The following JARID2 variants were observed in gnomAD, a reference collection of about 807,000 sequenced individuals.
JARID2 encodes jumonji and AT-rich interaction domain containing 2.
JARID2 carries 21 observed loss-of-function variants against 125.6 expected under a neutral mutation model. That is an observed-to-expected ratio of 0.17 (90% CI 0.12 to 0.24). JARID2 has a LOEUF of 0.24. Among genes scored for constraint, JARID2 ranks in the 10% least tolerant of loss-of-function variants. The pLI, the probability that JARID2 is intolerant of heterozygous loss-of-function variation, is 1.00. For missense variants in JARID2, 1,303 were observed against 1,639.6 expected, an observed-to-expected ratio of 0.79 and a Z score of 3.55; for synonymous variants, 736 against 661.6, an observed-to-expected ratio of 1.11 and a Z score of -1.73.
intron 1 of JARID2, among the ~76,000 whole-genome samples, chr6:15,332,041 G>T (rs991091300): frequency 3.3e-5 from 5 of 152,116 alleles, no homozygotes; most frequent in Admixed American, 3.3e-4. Flanking sequence ...TGCAGGAACT[G>T]ATGCCCTCAG....
chr6:15,255,369 C>G (rs1428429017), intron 1 of JARID2, among the ~76,000 whole-genome samples: 1 of 152,124 alleles, frequency 6.6e-6, no homozygotes, highest in African/African-American at 2.4e-5. Flanking sequence ...TCCCAAAGTG[C>G]TGGGATTACA....
intron 2 of JARID2, among the ~76,000 whole-genome samples, chr6:15,377,356 C>T (rs1764394905): frequency 6.6e-6 from 1 of 152,144 alleles, no homozygotes; most frequent in Non-Finnish European, 1.5e-5. Flanking sequence ...AAGGCCAGCC[C>T]CCATGATTCA....
At chr6:15,309,099 T>G (rs1761930076) in intron 1 of JARID2, among the ~76,000 whole-genome samples, 1 of 152,168 alleles carries the variant, frequency 6.6e-6, no homozygotes, top group African/African-American at 2.4e-5. Context: ...TCTGGGAAAA[T>G]TCCATTCTCT....
chr6:15,433,848 A>C (rs573501661), intron 3 of JARID2, among the ~76,000 whole-genome samples: 14 of 151,746 alleles, frequency 9.2e-5, no homozygotes, highest in African/African-American at 2.9e-4. Flanking sequence ...ACAATAATGC[A>C]ATATCCATCA....
chr6:15,385,540 TTTA>T (rs1764752862), intron 2 of JARID2, among the ~76,000 whole-genome samples: 2 of 151,016 alleles, frequency 1.3e-5, no homozygotes, highest in Non-Finnish European at 1.5e-5. Context: ...TTTATAGATA[TTTA>T]TTATTTATAT....
chr6:15,476,795 A>G (rs1368156229), intron 5 of JARID2, among the ~76,000 whole-genome samples: 1 of 152,192 alleles, frequency 6.6e-6, no homozygotes, highest in African/African-American at 2.4e-5. Context: ...AAATAACACA[A>G]TCAGAACACT....
At chr6:15,509,880 A>G (rs1185029768) in intron 12 of JARID2, among the ~76,000 whole-genome samples, 9 of 152,236 alleles carry the variant, frequency 5.9e-5, no homozygotes. Context: ...AAAGGCAGGG[A>G]TAGGATCAGA....
intron 1 of JARID2, among the ~76,000 whole-genome samples, chr6:15,353,458 C>A (rs954105019): frequency 2.6e-5 from 4 of 152,132 alleles, no homozygotes; most frequent in African/African-American, 7.2e-5. Context: ...AGTTTGGAGA[C>A]AAGAATGCTT....
At chr6:15,430,358 C>A (rs1314869270) in intron 3 of JARID2, among the ~76,000 whole-genome samples, 1 of 152,122 alleles carries the variant, frequency 6.6e-6, no homozygotes, top group Non-Finnish European at 1.5e-5. Context: ...TAATTCATTT[C>A]GTTTACTATA....
chr6:15,479,507 A>G (rs1293161936), intron 5 of JARID2, among the ~76,000 whole-genome samples: 1 of 152,232 alleles, frequency 6.6e-6, no homozygotes, highest in Non-Finnish European at 1.5e-5. Flanking sequence ...AATTGGTGGG[A>G]AAAATATTAC....
intron 4 of JARID2, among the ~76,000 whole-genome samples, chr6:15,466,141 A>G (rs2127671396): frequency 6.6e-6 from 1 of 152,216 alleles, no homozygotes; most frequent in African/African-American, 2.4e-5. Context: ...ACATGGCCTC[A>G]TTTGTGGAGT....
chr6:15,477,909 T>C (rs1357213662), intron 5 of JARID2, among the ~76,000 whole-genome samples: 2 of 152,216 alleles, frequency 1.3e-5, no homozygotes, highest in East Asian at 3.8e-4. Context: ...ATGAGGACTG[T>C]CAAAGAGTCA....
At chr6:15,400,888 T>G in intron 2 of JARID2, 4 of 1,288,344 alleles carry the variant, frequency 3.1e-6, no homozygotes, top group Non-Finnish European at 4.0e-6. Context: ...CACTGCGCTC[T>G]TCCTCCCTCC....
intron 5 of JARID2, among the ~76,000 whole-genome samples, chr6:15,477,809 A>T (rs1769420216): frequency 6.6e-6 from 1 of 152,210 alleles, no homozygotes; most frequent in South Asian, 2.1e-4. Flanking sequence ...CATTAACATA[A>T]TGTGATTGAA....
Position 15,275,118 on chromosome 6 carries a change from G to A in JARID2, c.45+28534G>A, listed in dbSNP as rs531535869. On this transcript the variant is annotated intron_variant, in intron 1 of 17. Transcript: ENST00000341776. ...ACAACCTCGGACCAGTGGAGAAGGT[G>A]TGTGGGCAGCAGGAAGAGCTGTTTG... Among the ~76,000 whole-genome samples the A allele has an allele frequency of 7.2e-5, 11 of 152,292 alleles. No individual in the cohort carries two copies. In the East Asian group the frequency reaches 1.9e-3, roughly 27 times the overall value.
At chr6:15,474,703 A>G (rs1769255983) in intron 5 of JARID2, among the ~76,000 whole-genome samples, 1 of 152,206 alleles carries the variant, frequency 6.6e-6, no homozygotes, top group South Asian at 2.1e-4. Context: ...TATATGTTCA[A>G]GGAAAATGAC....
intron 16 of JARID2, among the ~76,000 whole-genome samples, chr6:15,515,751 TA>T (rs57890964): frequency 0.014 from 2,062 of 146,056 alleles, 45 homozygotes; most frequent in African/African-American, 0.049. Flanking sequence ...CCTGTCTCTT[TA>T]AAAAAAAAAA....
chr6:15,433,921 G>GGTGTGTGT (rs146025914), intron 3 of JARID2, among the ~76,000 whole-genome samples: 1,906 of 131,320 alleles, frequency 0.015, 42 homozygotes, highest in East Asian at 0.037. Flanking sequence ...CACTCTCCAG[G>GGTGTGTGT]GTGTGTGTGT....
At chr6:15,248,840 G>T (rs1050966645) in intron 1 of JARID2, 6 of 907,734 alleles carry the variant, frequency 6.6e-6, no homozygotes, top group Admixed American at 6.2e-5. Flanking sequence ...GGGGCGGCGG[G>T]GGGAGGAGGG....
Sources: allele counts gnomAD v4.1 joint callset (sites outside exome capture counted in the v4.1 genomes callset), GRCh38; gene constraint gnomAD v4.1.1; transcripts MANE v1.5; gene names NCBI Gene and HGNC (gene_info 2026-07-23, HGNC 2026-07-21).